The following POLR1B variants were observed in gnomAD, a reference collection of about 807,000 sequenced individuals.
POLR1B encodes the protein DNA-directed RNA polymerase I subunit RPA2.
Under a neutral mutation model 105.8 loss-of-function variants are expected in POLR1B, and 30 were observed. That is an observed-to-expected ratio of 0.28 (90% CI 0.21 to 0.38). POLR1B has a LOEUF of 0.38. POLR1B is among the 10% of genes least tolerant of loss of function. The pLI, the probability that POLR1B is intolerant of heterozygous loss-of-function variation, is 1.00. For synonymous variants in POLR1B, 485 were observed against 505.1 expected (o/e 0.96, Z 0.53); for missense variants, 976 against 1,435.8 (o/e 0.68, Z 5.17).
chr2:112,556,075 G>A (rs1373081065), intron 7 of POLR1B, among the ~76,000 whole-genome samples: 2 of 152,124 alleles, frequency 1.3e-5, no homozygotes, highest in African/African-American at 4.8e-5. Context: ...CAAGATCCAG[G>A]GCTTCTTATT....
At chr2:112,573,517 A>G in intron 13 of POLR1B, 45 bp from the exon 14 acceptor site, 1 of 1,567,754 alleles carries the variant, frequency 6.4e-7, no homozygotes, top group Non-Finnish European at 8.6e-7. Context: ...TATTTTGAAA[A>G]TCCTCAATTG....
At chr2:112,562,235 G>A (rs1684026671) in intron 9 of POLR1B, among the ~76,000 whole-genome samples, 1 of 152,174 alleles carries the variant, frequency 6.6e-6, no homozygotes, top group African/African-American at 2.4e-5. Flanking sequence ...AATGTAGCAA[G>A]TAGGCAAATG....
In POLR1B at chr2:112,551,671, A is replaced by G. The variant is rs977237055; in HGVS notation, c.763-104A>G. 12 of 934,726 alleles carry G rather than the reference A, an allele frequency of 1.3e-5. No individual in the cohort carries two copies. The East Asian group carries it at 1.3e-4, about 10-fold the overall frequency. The allele number at this position is 934,726 out of a possible 1,614,324, so 57.9% of individuals were successfully genotyped here. On this transcript the variant is annotated intron_variant, in intron 5 of 14. Coordinates refer to ENST00000263331, the MANE Select transcript of POLR1B (RefSeq NM_019014.6). ...TTTGATTCAGCAATAGCAGAGTGCT[A>G]ATTTTCCTTGGGTATTAAAAAAATG...
upstream of POLR1B, chr2:112,542,438 G>A (rs774366073): frequency 3.8e-6 from 5 of 1,328,804 alleles, no homozygotes; most frequent in African/African-American, 1.5e-5. Context: ...GGCGTGTACC[G>A]AGAGACTGGC....
At chr2:112,567,073 C>T (rs1304569868) in intron 10 of POLR1B, among the ~76,000 whole-genome samples, 1 of 152,010 alleles carries the variant, frequency 6.6e-6, no homozygotes, top group Non-Finnish European at 1.5e-5. Context: ...AGGATGAGGA[C>T]ACTTAAGATC....
intron 9 of POLR1B, 145 bp downstream of exon 9, chr2:112,559,719 C>T (rs1272246557): frequency 1.2e-5 from 11 of 950,900 alleles, no homozygotes; most frequent in Non-Finnish European, 1.6e-5. Context: ...CAAGCTCTGC[C>T]TCCTAGGTTC....
intron 9 of POLR1B, among the ~76,000 whole-genome samples, chr2:112,562,284 GTTAATGCAT>G (rs1408696757): frequency 3.3e-5 from 5 of 152,148 alleles, no homozygotes; most frequent in Non-Finnish European, 7.3e-5. Context: ...CATTTTGGGG[GTTAATGCAT>G]TTAATGCATT....
At chr2:112,572,352 G>T (rs1684638101) in intron 12 of POLR1B, among the ~76,000 whole-genome samples, 1 of 152,146 alleles carries the variant, frequency 6.6e-6, no homozygotes, top group East Asian at 1.9e-4. Flanking sequence ...CTCCCACTCA[G>T]CATGGTTTTC....
At chr2:112,559,597 C>G (rs753911254) in intron 9 of POLR1B, 23 bp downstream of exon 9, 1 of 1,596,226 alleles carries the variant, frequency 6.3e-7, no homozygotes, top group Non-Finnish European at 8.6e-7. Context: ...CAGTGATAAA[C>G]ATCTTGTTTG....
chr2:112,572,009 A>C (rs1453005950), intron 12 of POLR1B, among the ~76,000 whole-genome samples: 1 of 152,130 alleles, frequency 6.6e-6, no homozygotes, highest in Non-Finnish European at 1.5e-5. Context: ...ATTTTTTTAA[A>C]AATTTCACTT....
chr2:112,549,926 TATATG>T (rs1360484038), intron 4 of POLR1B, among the ~76,000 whole-genome samples: 1 of 111,492 alleles, frequency 9.0e-6, no homozygotes, highest in Non-Finnish European at 1.8e-5. Context: ...ATCATTATAA[TATATG>T]TATATGTATA....
intron 2 of POLR1B, 38 bp from the exon 3 acceptor site, chr2:112,547,383 A>G (rs1254119353): frequency 1.3e-6 from 2 of 1,594,980 alleles, no homozygotes; most frequent in Non-Finnish European, 1.7e-6. Context: ...AAATGCAGAT[A>G]TTTCTGTTAA....
At chr2:112,572,050 C>T (rs7607358) in intron 12 of POLR1B, among the ~76,000 whole-genome samples, 98,916 of 152,022 alleles carry the variant, frequency 0.65, 32,989 homozygotes, top group Middle Eastern at 0.79. Context: ...ATCATTTTGT[C>T]GTGAAATGAT....
intron 9 of POLR1B, among the ~76,000 whole-genome samples, chr2:112,562,846 C>T (rs1376449034): frequency 1.3e-5 from 2 of 150,632 alleles, no homozygotes; most frequent in Non-Finnish European, 3.0e-5. Flanking sequence ...CTGCCTCAGC[C>T]TTGCGAGTAG....
At position 112,575,577 on chromosome 2, in the gene POLR1B, C is replaced by T; in HGVS notation, c.3256C>T (p.Pro1086Ser). 3.1e-6 allele frequency: 5 copies of T among 1,614,162 alleles called. No homozygotes were observed. The highest frequency in any genetic ancestry group is 3.4e-6 in the Non-Finnish European group (4 of 1,180,028). Reference protein sequence around the residue: ...LLSPLLEKPPPSWSAMRNRKY... With the variant: ...LLSPLLEKPPSSWSAMRNRKY... Reference sequence around the variant, plus strand: ...CTCTCCACTGTTGGAGAAGCCACCCCCTTCTTGGTCTGCCATGCGCAACAG... The same window carrying T: ...CTCTCCACTGTTGGAGAAGCCACCCTCTTCTTGGTCTGCCATGCGCAACAG... Residue 1086 changes from proline (P) to serine (S), a missense_variant, in exon 15 of 15, where the codon CCT becomes TCT. Physicochemically the swap from Pro to Ser is moderately conservative, Grantham distance 74. This residue lies in a region of POLR1B where 77 missense variants were observed against 104.5 expected (regional missense o/e 0.74). Transcript: ENST00000263331. This position sits in a 1 kb window ranked among gnomAD's most constrained non-coding sequence, Gnocchi z 5.3.
rs2104541948 is a variant in POLR1B, at chr2:112,559,418, G to A, written c.1456G>A (p.Val486Ile). The A allele has an allele frequency of 6.2e-7, 1 of 1,614,234 alleles. No individual in the cohort carries two copies. Among genetic ancestry groups the A allele is most frequent in the Non-Finnish European group, 8.5e-7 (1 of 1,180,048 alleles). Residue 486 changes from valine to isoleucine, a missense_variant, in exon 9 of 15, where the codon GTA becomes ATA. Val to Ile is a conservative substitution (Grantham distance 29). Transcript: ENST00000263331. ...TTTTGCCAAGATGAGGACCACCACA[G>A]TACGCAGGCTGCTGCCAGAGTCCTG... is the stretch of plus-strand genomic sequence containing the variant. ...ADFAKMRTTT[V>I]RRLLPESWGF... is the part of the protein sequence containing the mutation.
chr2:112,561,749 T>G (rs1683998811), intron 9 of POLR1B, among the ~76,000 whole-genome samples: 1 of 152,200 alleles, frequency 6.6e-6, no homozygotes, highest in Non-Finnish European at 1.5e-5. Context: ...GTTTTTCTGT[T>G]AGGCACATCA....
chr2:112,573,793 G>C lies in POLR1B; in HGVS notation c.2503G>C (p.Glu835Gln). ...YYSYLNLNTG[E>Q]SFVMYYKSKE... Reference sequence around the variant, plus strand: ...CAGCTACCTCAACCTCAACACCGGGGAAAGTTTTGTGATGTACTATAAGTA... The same window carrying C: ...CAGCTACCTCAACCTCAACACCGGGCAAAGTTTTGTGATGTACTATAAGTA... Residue 835 changes from glutamate to glutamine, a missense_variant, in exon 14 of 15, where the codon GAA becomes CAA. This residue lies in a region of POLR1B where 119 missense variants were observed against 149.7 expected (regional missense o/e 0.79). Transcript: ENST00000263331. 3 of 1,613,954 alleles carry C rather than the reference G, an allele frequency of 1.9e-6. No individual in the cohort carries two copies. Among genetic ancestry groups the C allele is most frequent in the Non-Finnish European group, 8.5e-7 (1 of 1,179,888 alleles).
At chr2:112,567,301 G>A (rs926163792) in intron 10 of POLR1B, among the ~76,000 whole-genome samples, 19 of 151,844 alleles carry the variant, frequency 1.3e-4, no homozygotes, top group Admixed American at 1.1e-3. Flanking sequence ...TGGGTTTGTT[G>A]TTGTTGTTGT....
Sources: allele counts gnomAD v4.1 joint callset (sites outside exome capture counted in the v4.1 genomes callset), GRCh38; gene constraint gnomAD v4.1.1; regional missense constraint gnomAD v4.1.1; non-coding constraint Gnocchi (gnomAD v3.1); transcripts MANE v1.5; gene names NCBI Gene and HGNC (gene_info 2026-07-23, HGNC 2026-07-21).